Variants in PARN observed in about 807,000 individuals in gnomAD.
PARN encodes poly(A)-specific ribonuclease, also known as poly(A)-specific ribonuclease PARN.
PARN carries 71 observed loss-of-function variants against 102.8 expected under a neutral mutation model. The ratio of observed to expected loss-of-function variants is 0.69; its 90% confidence interval spans 0.57 to 0.84. The LOEUF (loss-of-function observed/expected upper bound fraction) is 0.84, where lower values mean the gene tolerates loss of function less well. Among genes scored for constraint, PARN ranks in the 40% least tolerant of loss-of-function variants. The probability of loss-of-function intolerance (pLI) is 0.00; values close to 1 mark genes in which losing one functional copy is unlikely to be tolerated. For synonymous variants in PARN, 261 were observed against 252.9 expected, an observed-to-expected ratio of 1.03 and a Z score of -0.30; for missense variants, 782 against 760.9, an observed-to-expected ratio of 1.03 and a Z score of -0.33.
At chr16:14,609,422 T>C (rs1308577026) in intron 7 of PARN, among the ~76,000 whole-genome samples, 1 of 151,862 alleles carries the variant, frequency 6.6e-6, no homozygotes, top group African/African-American at 2.4e-5. Flanking sequence ...ATCTTAAAAA[T>C]TAGCTGGGAG....
intron 22 of PARN, among the ~76,000 whole-genome samples, chr16:14,451,871 A>AAAAAAAAAAAAAAAAAAAAAC (rs1961470808): frequency 6.0e-5 from 2 of 33,196 alleles, no homozygotes; most frequent in African/African-American, 9.7e-5. Flanking sequence ...AAAAAATACA[A>AAAAAAAAAAAAAAAAAAAAAC]AAAAAAAAAA....
intron 6 of PARN, among the ~76,000 whole-genome samples, chr16:14,613,617 T>A (rs935787192): frequency 2.0e-5 from 3 of 151,768 alleles, no homozygotes; most frequent in African/African-American, 7.3e-5. Context: ...GGTGAGACAG[T>A]CTCAAAACAA....
intron 5 of PARN, 47 bp from the exon 6 acceptor site, chr16:14,617,697 G>T: frequency 9.0e-7 from 1 of 1,113,406 alleles, no homozygotes; most frequent in Non-Finnish European, 1.4e-6. Flanking sequence ...GTTAGCGGCA[G>T]GAATATAAAG....
intron 16 of PARN, 149 bp from the exon 17 acceptor site, chr16:14,582,440 C>T: frequency 1.6e-6 from 1 of 614,054 alleles, no homozygotes; most frequent in South Asian, 2.0e-5. Context: ...TATATAAGAC[C>T]TTAAAATACA....
intron 6 of PARN, among the ~76,000 whole-genome samples, chr16:14,614,111 G>T (rs1971708234): frequency 6.6e-6 from 1 of 152,078 alleles, no homozygotes; most frequent in Admixed American, 6.6e-5. Context: ...ATAAAAATTA[G>T]CTGGACATGA....
chr16:14,498,133 A>AG (rs1452000453), intron 21 of PARN, among the ~76,000 whole-genome samples: 1 of 151,868 alleles, frequency 6.6e-6, no homozygotes, highest in East Asian at 1.9e-4. Flanking sequence ...AAAAAAAAAA[A>AG]AAAAAAAAAA....
chr16:14,599,037 C>CTT (rs71150194), intron 12 of PARN, among the ~76,000 whole-genome samples: 3,426 of 81,326 alleles, frequency 0.042, 77 homozygotes, highest in Non-Finnish European at 0.051. Flanking sequence ...TTCTCCTCTT[C>CTT]TTTTTTTTTT....
At chr16:14,525,731 C>T (rs1222478492) in intron 21 of PARN, among the ~76,000 whole-genome samples, 1 of 152,122 alleles carries the variant, frequency 6.6e-6, no homozygotes, top group African/African-American at 2.4e-5. Context: ...ATTGTAGGCT[C>T]CACCAGGAAA....
At chr16:14,489,749 T>C (rs1050263945) in intron 21 of PARN, among the ~76,000 whole-genome samples, 3 of 151,988 alleles carry the variant, frequency 2.0e-5, no homozygotes, top group Non-Finnish European at 2.9e-5. Flanking sequence ...GTGGGGAGAG[T>C]GTACTAGGAA....
intron 18 of PARN, among the ~76,000 whole-genome samples, chr16:14,557,716 T>A (rs907487911): frequency 2.6e-5 from 4 of 152,162 alleles, no homozygotes; most frequent in Non-Finnish European, 5.9e-5. Context: ...ATAAACCAAA[T>A]TCTATGGCTA....
chr16:14,544,485 G>C (rs988500613), intron 21 of PARN, among the ~76,000 whole-genome samples: 3 of 152,182 alleles, frequency 2.0e-5, no homozygotes, highest in Admixed American at 6.5e-5. Context: ...TGAGGCAGGA[G>C]AATCACTTAA....
intron 18 of PARN, among the ~76,000 whole-genome samples, chr16:14,570,251 A>C (rs1968706901): frequency 6.9e-6 from 1 of 145,716 alleles, no homozygotes; most frequent in African/African-American, 2.5e-5. Flanking sequence ...GGGCAGGAGA[A>C]TTGCTTGAAT....
intron 8 of PARN, among the ~76,000 whole-genome samples, chr16:14,608,696 G>C (rs1971341127): frequency 6.6e-6 from 1 of 152,176 alleles, no homozygotes; most frequent in African/African-American, 2.4e-5. Flanking sequence ...AATGTTCTCT[G>C]AATACAGAGA....
intron 21 of PARN, among the ~76,000 whole-genome samples, chr16:14,483,376 C>T (rs1963485728): frequency 6.6e-6 from 1 of 152,152 alleles, no homozygotes; most frequent in Non-Finnish European, 1.5e-5. Context: ...AATGTTTTTA[C>T]TGGTGAGAAA....
chr16:14,584,777 T>C lies in PARN; in HGVS notation c.977A>G (p.Lys326Arg). 1 of 1,565,704 alleles carries C rather than the reference T, an allele frequency of 6.4e-7. No individual in the cohort carries two copies. Among genetic ancestry groups the C allele is most frequent in the African/African-American group, 1.4e-5 (1 of 72,424 alleles). Residue 326 changes from lysine (K) to arginine (R), a missense_variant, in exon 15 of 24, where the codon AAA becomes AGA. Lys to Arg is a conservative substitution (Grantham distance 26). Coordinates refer to ENST00000437198, the MANE Select transcript of PARN (RefSeq NM_002582.4). ...AAAAGGTTGTGTGCTGGCCATCAAT[T>C]TAGTATCCAAGAGTCTAAAAAGAAT... The part of the protein sequence containing the change: ...TCVFPRLLDT[K>R]LMASTQPFKD...
chr16:14,573,504 A>T (rs1320318565), intron 18 of PARN, among the ~76,000 whole-genome samples: 1 of 152,196 alleles, frequency 6.6e-6, no homozygotes, highest in Non-Finnish European at 1.5e-5. Context: ...AAAAGAATAT[A>T]TGCTGGGCAC....
At chr16:14,610,919 C>A in intron 6 of PARN, 110 bp from the exon 7 acceptor site, 1 of 692,382 alleles carries the variant, frequency 1.4e-6, no homozygotes, top group Non-Finnish European at 2.5e-6. Context: ...CCATATTTAA[C>A]TACATCTCAA....
At chr16:14,500,532 T>A (rs1964532737) in intron 21 of PARN, among the ~76,000 whole-genome samples, 1 of 152,140 alleles carries the variant, frequency 6.6e-6, no homozygotes, top group Non-Finnish European at 1.5e-5. Flanking sequence ...CAGCCAGGGC[T>A]ATAGGCACGT....
At chr16:14,549,840 A>G (rs1357926324) in intron 21 of PARN, among the ~76,000 whole-genome samples, 1 of 152,194 alleles carries the variant, frequency 6.6e-6, no homozygotes, top group African/African-American at 2.4e-5. Flanking sequence ...ATCTCATTTC[A>G]TCCTCACAAC....
Sources: allele counts gnomAD v4.1 joint callset (sites outside exome capture counted in the v4.1 genomes callset), GRCh38; gene constraint gnomAD v4.1.1; transcripts MANE v1.5; gene names NCBI Gene and HGNC (gene_info 2026-07-23, HGNC 2026-07-21).